Variants in GPC5 observed in about 807,000 individuals in gnomAD.
The protein encoded by GPC5 is glypican 5, also known as glypican-5.
A neutral mutation model predicts 53.9 loss-of-function variants in GPC5; 47 were observed. That is an observed-to-expected ratio of 0.87 (90% CI 0.69 to 1.11). The LOEUF (loss-of-function observed/expected upper bound fraction) is 1.11, where lower values mean the gene tolerates loss of function less well. GPC5 is among the 50% of genes most tolerant of loss of function. The pLI is 0.00. For synonymous variants in GPC5, 286 were observed against 263.3 expected (o/e 1.09, Z -0.84); for missense variants, 748 against 713.1 (o/e 1.05, Z -0.56).
chr13:91,440,658 G>A (rs1179761410), intron 1 of GPC5, among the ~76,000 whole-genome samples: 1 of 152,112 alleles, frequency 6.6e-6, no homozygotes, highest in Admixed American at 6.5e-5. Flanking sequence ...ATTTTAGATT[G>A]TCCCTTGGAT....
chr13:91,930,282 T>TA (rs1210602992), intron 6 of GPC5, among the ~76,000 whole-genome samples: 1 of 151,934 alleles, frequency 6.6e-6, no homozygotes, highest in South Asian at 2.1e-4. Flanking sequence ...TCAGAATGTT[T>TA]AAAAAATTAT....
intron 5 of GPC5, among the ~76,000 whole-genome samples, chr13:91,863,166 C>T (rs2039048682): frequency 6.6e-6 from 1 of 151,950 alleles, no homozygotes; most frequent in African/African-American, 2.4e-5. Flanking sequence ...AGGGAATGCA[C>T]TTTGACAAGA....
chr13:92,388,487 C>T (rs1289953026), intron 7 of GPC5, among the ~76,000 whole-genome samples: 1 of 152,118 alleles, frequency 6.6e-6, no homozygotes, highest in African/African-American at 2.4e-5. Flanking sequence ...AAAAGGGTTG[C>T]TCCATTTTGG....
chr13:91,675,917 G>C (rs1369801770), intron 2 of GPC5, among the ~76,000 whole-genome samples: 2 of 152,148 alleles, frequency 1.3e-5, no homozygotes, highest in African/African-American at 4.8e-5. Context: ...TCACTCCAGG[G>C]TGGTTCGACT....
chr13:91,657,887 T>C (rs1291508176), intron 2 of GPC5, among the ~76,000 whole-genome samples: 1 of 152,112 alleles, frequency 6.6e-6, no homozygotes, highest in Non-Finnish European at 1.5e-5. Context: ...AAAAATACAT[T>C]TGTTTGGAGT....
At chr13:92,651,454 G>A (rs1429274305) in intron 7 of GPC5, among the ~76,000 whole-genome samples, 1 of 151,994 alleles carries the variant, frequency 6.6e-6, no homozygotes, top group Admixed American at 6.6e-5. Flanking sequence ...CCAATTGAGG[G>A]GCATTCTACA....
intron 7 of GPC5, among the ~76,000 whole-genome samples, chr13:92,440,129 G>A (rs1594203928): frequency 6.6e-6 from 1 of 152,124 alleles, no homozygotes; most frequent in South Asian, 2.1e-4. Context: ...TATTCAGGGG[G>A]TTCATATGCA....
chr13:92,752,656 G>A (rs1480586736), intron 7 of GPC5, among the ~76,000 whole-genome samples: 2 of 152,184 alleles, frequency 1.3e-5, no homozygotes, highest in Admixed American at 1.3e-4. Flanking sequence ...CTGAAGCAGG[G>A]TGAGGCATTG....
intron 5 of GPC5, among the ~76,000 whole-genome samples, chr13:91,842,890 G>A (rs1294777224): frequency 2.6e-5 from 4 of 151,924 alleles, no homozygotes; most frequent in Non-Finnish European, 5.9e-5. Flanking sequence ...TTATTATTCA[G>A]ATAAATGGAA....
chr13:92,317,890 T>C lies in GPC5; in HGVS notation c.1561+172901T>C, dbSNP rs570542737. ...AAAGCATTCTGGAATACCTCGACAG[T>C]ATAAAAATTTTAAGCATTTCAAGTT... On this transcript the variant is annotated intron_variant, in intron 7 of 7. Transcript: ENST00000377067. 1.2e-4 allele frequency among the ~76,000 whole-genome samples: 18 copies of C among 152,296 alleles called. No homozygotes were observed. In the South Asian group the frequency reaches 3.7e-3, roughly 32 times the overall value.
At chr13:92,612,724 AAT>A (rs1358360378) in intron 7 of GPC5, among the ~76,000 whole-genome samples, 5 of 152,070 alleles carry the variant, frequency 3.3e-5, no homozygotes, top group African/African-American at 1.2e-4. Context: ...TCACCTTTCT[AAT>A]AAGTGAAAAA....
At chr13:92,730,221 A>C (rs535295255) in intron 7 of GPC5, among the ~76,000 whole-genome samples, 1 of 151,462 alleles carries the variant, frequency 6.6e-6, no homozygotes, top group Admixed American at 6.6e-5. Flanking sequence ...AGCAGTTTTA[A>C]GTTTAGAGAG....
intron 6 of GPC5, among the ~76,000 whole-genome samples, chr13:92,063,791 T>A (rs1388754544): frequency 6.6e-6 from 1 of 152,120 alleles, no homozygotes; most frequent in African/African-American, 2.4e-5. Context: ...GCATAAAAAG[T>A]TTAATACTTT....
chr13:91,606,383 C>A (rs2033367054), intron 2 of GPC5, among the ~76,000 whole-genome samples: 1 of 149,658 alleles, frequency 6.7e-6, no homozygotes, highest in African/African-American at 2.5e-5. Flanking sequence ...ATTTTTGCAT[C>A]AATGTTCATC....
chr13:91,474,047 G>A (rs959261010), intron 2 of GPC5, among the ~76,000 whole-genome samples: 3 of 152,104 alleles, frequency 2.0e-5, no homozygotes, highest in African/African-American at 7.2e-5. Context: ...TCCAGTGTAG[G>A]TTGTGAAGAC....
At chr13:92,707,518 A>G (rs1202421925) in intron 7 of GPC5, among the ~76,000 whole-genome samples, 1 of 152,104 alleles carries the variant, frequency 6.6e-6, no homozygotes, top group Non-Finnish European at 1.5e-5. Flanking sequence ...TGAATAGCAC[A>G]GATTTGCTAT....
chr13:91,991,678 G>A (rs562878413), intron 6 of GPC5, among the ~76,000 whole-genome samples: 2 of 151,996 alleles, frequency 1.3e-5, no homozygotes, highest in Non-Finnish European at 2.9e-5. Flanking sequence ...GAATTATACT[G>A]TGAACATTTT....
intron 7 of GPC5, among the ~76,000 whole-genome samples, chr13:92,519,256 C>T (rs1229767719): frequency 1.3e-5 from 2 of 152,190 alleles, no homozygotes; most frequent in African/African-American, 2.4e-5. Flanking sequence ...AGGAGTTGAA[C>T]TCAGCTCTGA....
At chr13:92,590,741 T>A (rs191728425) in intron 7 of GPC5, among the ~76,000 whole-genome samples, 56 of 152,364 alleles carry the variant, frequency 3.7e-4, no homozygotes, top group Middle Eastern at 6.8e-3. Flanking sequence ...ACTTGAGTCG[T>A]CTACACTGCT....
Sources: allele counts gnomAD v4.1 joint callset (sites outside exome capture counted in the v4.1 genomes callset), GRCh38; gene constraint gnomAD v4.1.1; transcripts MANE v1.5; gene names NCBI Gene and HGNC (gene_info 2026-07-23, HGNC 2026-07-21).